ANO3: variants seen among roughly 807,000 people sequenced by gnomAD.
ANO3 encodes anoctamin-3.
A neutral mutation model predicts 144.8 loss-of-function variants in ANO3; 99 were observed. The observed-to-expected ratio is 0.68, with a 90% CI of 0.58 to 0.81. The LOEUF (loss-of-function observed/expected upper bound fraction) is 0.81. Among genes scored for constraint, ANO3 ranks in the 30% least tolerant of loss-of-function variants. The pLI is 0.00. For missense variants in ANO3, 905 were observed against 1,202.2 expected (o/e 0.75, Z 3.66); for synonymous variants, 414 against 392.6 (o/e 1.05, Z -0.64).
chr11:26,627,098 C>A (rs1055988162), intron 18 of ANO3, among the ~76,000 whole-genome samples: 1 of 151,398 alleles, frequency 6.6e-6, no homozygotes, highest in Admixed American at 6.6e-5. Flanking sequence ...TTTATTCTCT[C>A]GGTTTCTTAA....
chr11:26,395,822 G>A (rs922482215), intron 1 of ANO3, among the ~76,000 whole-genome samples: 2 of 152,034 alleles, frequency 1.3e-5, no homozygotes, highest in African/African-American at 2.4e-5. Flanking sequence ...TTAAACGTAA[G>A]ACCTAAAACC....
At chr11:26,357,979 T>C (rs1052746923) in intron 1 of ANO3, among the ~76,000 whole-genome samples, 2 of 152,172 alleles carry the variant, frequency 1.3e-5, no homozygotes, top group African/African-American at 4.8e-5. Flanking sequence ...AAAAATCAAT[T>C]GTCCCTGTGT....
intron 3 of ANO3, among the ~76,000 whole-genome samples, chr11:26,455,363 A>C (rs1433726820): frequency 6.6e-6 from 1 of 151,542 alleles, no homozygotes. Flanking sequence ...GCTGATAAGC[A>C]ACTTCAGCAA....
intron 17 of ANO3, among the ~76,000 whole-genome samples, chr11:26,610,746 T>C (rs905622611): frequency 6.6e-6 from 1 of 151,932 alleles, no homozygotes; most frequent in Admixed American, 6.6e-5. Context: ...TTTTTGCACA[T>C]AGGTATTCAA....
At chr11:26,530,638 A>T (rs547032080) in intron 7 of ANO3, among the ~76,000 whole-genome samples, 1 of 151,606 alleles carries the variant, frequency 6.6e-6, no homozygotes, top group Non-Finnish European at 1.5e-5. Context: ...AGGCGGGTGG[A>T]TCTCGAGGTC....
intron 18 of ANO3, among the ~76,000 whole-genome samples, chr11:26,627,365 G>A (rs1852620792): frequency 6.7e-6 from 1 of 150,096 alleles, no homozygotes; most frequent in Admixed American, 6.7e-5. Flanking sequence ...CTTTACTTTT[G>A]GGTCTTCATT....
intron 6 of ANO3, among the ~76,000 whole-genome samples, chr11:26,524,284 G>T (rs1314187901): frequency 1.3e-5 from 2 of 152,200 alleles, no homozygotes; most frequent in African/African-American, 4.8e-5. Context: ...GTTTCGGATA[G>T]ATATAACAAG....
At chr11:26,546,557 G>T (rs780599986) in intron 11 of ANO3, among the ~76,000 whole-genome samples, 12 of 151,958 alleles carry the variant, frequency 7.9e-5, no homozygotes, top group Non-Finnish European at 1.8e-4. Flanking sequence ...ACCGTCTTTA[G>T]AAGATGGAGA....
intron 14 of ANO3, chr11:26,561,168 T>G: frequency 6.2e-7 from 1 of 1,612,684 alleles, no homozygotes; most frequent in Non-Finnish European, 8.5e-7. Flanking sequence ...TGGATTGTAG[T>G]AGCTAGAATT....
Position 26,432,572 on chromosome 11 carries a change from TTTTG to T in ANO3, c.47-9342_47-9339del, listed in dbSNP as rs1198624684. 2.0e-5 allele frequency among the ~76,000 whole-genome samples: 3 copies of T among 152,288 alleles called. No individual in the cohort carries two copies. In the East Asian group the frequency reaches 5.8e-4, roughly 29 times the overall value. ...AGTTTTTAATCCATCTTGAGTTGAT[TTTTG>T]TTTATGGTATAAGGAAGGGGTCCAG... On this transcript the variant is annotated intron_variant, in intron 1 of 26. Coordinates refer to ENST00000256737, the MANE Select transcript of ANO3 (RefSeq NM_031418.4).
chr11:26,223,908 G>C (rs748776326), intron 1 of ANO3, among the ~76,000 whole-genome samples: 1 of 152,098 alleles, frequency 6.6e-6, no homozygotes, highest in Non-Finnish European at 1.5e-5. Context: ...ATTCATATAA[G>C]GGATTTTCCC....
intron 14 of ANO3, chr11:26,572,047 G>A (rs748058144): frequency 7.1e-6 from 7 of 981,508 alleles, no homozygotes; most frequent in Admixed American, 6.2e-5. Flanking sequence ...TTACCTTCAG[G>A]CTTAGGAGGT....
intron 1 of ANO3, among the ~76,000 whole-genome samples, chr11:26,205,388 G>T (rs981491283): frequency 6.6e-6 from 1 of 152,174 alleles, no homozygotes; most frequent in African/African-American, 2.4e-5. Flanking sequence ...GGAAATTGAT[G>T]CAGAGCACAT....
At chr11:26,564,986 C>A (rs74347211) in intron 14 of ANO3, among the ~76,000 whole-genome samples, 2 of 150,920 alleles carry the variant, frequency 1.3e-5, no homozygotes, top group Non-Finnish European at 3.0e-5. Flanking sequence ...TTCATTGAAG[C>A]CCTAAAACCA....
In ANO3 at chr11:26,455,934, T is replaced by C. The variant is rs551610083; in HGVS notation, c.314-7096T>C. Among the ~76,000 whole-genome samples, 6 of 151,946 alleles carry C rather than the reference T, an allele frequency of 3.9e-5. No individual in the cohort carries two copies. In the South Asian group the frequency reaches 1.3e-3, roughly 32 times the overall value. On this transcript the variant is annotated intron_variant, in intron 3 of 26. Transcript: ENST00000256737. The stretch of plus-strand genomic sequence containing the variant: ...AAATAATGCCATATATCTACAACTA[T>C]CTGATCTTTGACAAACCTGAGAAAA...
At chr11:26,556,911 A>G (rs552694743) in intron 13 of ANO3, among the ~76,000 whole-genome samples, 4 of 152,286 alleles carry the variant, frequency 2.6e-5, no homozygotes, top group Non-Finnish European at 5.9e-5. Context: ...GGCATTTTTC[A>G]GAGCCTTATG....
intron 1 of ANO3, among the ~76,000 whole-genome samples, chr11:26,365,487 C>G (rs1419449775): frequency 2.6e-5 from 4 of 152,230 alleles, no homozygotes; most frequent in Non-Finnish European, 4.4e-5. Flanking sequence ...GGCTCCACCC[C>G]TGCAGCAGGC....
At chr11:26,634,155 G>A in intron 18 of ANO3, 49 bp from the exon 19 acceptor site, 1 of 1,115,886 alleles carries the variant, frequency 9.0e-7, no homozygotes, top group Non-Finnish European at 1.3e-6. Flanking sequence ...CCAGAGTCTT[G>A]ATATTCACCT....
At chr11:26,315,295 C>T (rs185305054) in intron 1 of ANO3, among the ~76,000 whole-genome samples, 9 of 152,212 alleles carry the variant, frequency 5.9e-5, no homozygotes, top group Admixed American at 5.2e-4. Flanking sequence ...AGTGATTTCC[C>T]CTCAATTCTC....
Sources: gnomAD v4.1 joint callset for allele counts (sites outside exome capture counted in the v4.1 genomes callset) on GRCh38, gnomAD v4.1.1 for gene constraint, MANE v1.5 for transcripts, NCBI Gene and HGNC (gene_info 2026-07-23, HGNC 2026-07-21) for gene names.